The following ADAMTS18 variants were observed in gnomAD, a reference collection of about 807,000 sequenced individuals.
ADAMTS18 encodes A disintegrin and metalloproteinase with thrombospondin motifs 18.
Under a neutral mutation model 165.9 loss-of-function variants are expected in ADAMTS18, and 157 were observed. That is an observed-to-expected ratio of 0.95 (90% confidence interval 0.83 to 1.08). The LOEUF is 1.08. ADAMTS18 is among the 50% of genes least tolerant of loss of function. ADAMTS18 has a pLI of 0.00. For synonymous variants in ADAMTS18, 782 were observed against 578.2 expected (o/e 1.35, Z -5.06); for missense variants, 2,040 against 1,534.0 (o/e 1.33, Z -5.51).
chr16:77,409,035 T>C (rs904194008), intron 3 of ADAMTS18, among the ~76,000 whole-genome samples: 1 of 152,100 alleles, frequency 6.6e-6, no homozygotes, highest in African/African-American at 2.4e-5. Context: ...TTATCATAAG[T>C]ATGTGTATAT....
chr16:77,327,939 G>C (rs2056123607), intron 12 of ADAMTS18, among the ~76,000 whole-genome samples: 1 of 152,114 alleles, frequency 6.6e-6, no homozygotes, highest in East Asian at 1.9e-4. Context: ...GAGATATTTT[G>C]AGTATAATAT....
intron 3 of ADAMTS18, among the ~76,000 whole-genome samples, chr16:77,420,433 C>T (rs1254348454): frequency 6.6e-6 from 1 of 152,140 alleles, no homozygotes; most frequent in African/African-American, 2.4e-5. Context: ...TGGGCCCCAT[C>T]CTCAGACATT....
At chr16:77,412,027 G>A (rs755535694) in intron 3 of ADAMTS18, among the ~76,000 whole-genome samples, 2 of 152,120 alleles carry the variant, frequency 1.3e-5, no homozygotes, top group South Asian at 4.2e-4. Context: ...GTGTGTCTGT[G>A]AGGGTGTTTC....
chr16:77,338,753 A>G (rs114218481), intron 11 of ADAMTS18, among the ~76,000 whole-genome samples: 1,624 of 151,978 alleles, frequency 0.011, 29 homozygotes, highest in African/African-American at 0.037. Context: ...GGAGACCGAG[A>G]GCATCCTGGC....
chr16:77,303,252 T>C (rs2055619510), intron 16 of ADAMTS18, among the ~76,000 whole-genome samples: 1 of 152,170 alleles, frequency 6.6e-6, no homozygotes, highest in Admixed American at 6.5e-5. Flanking sequence ...CCTTTTAATT[T>C]AAATAACCAT....
intron 3 of ADAMTS18, among the ~76,000 whole-genome samples, chr16:77,376,809 C>CTTTTTTTTTTT (rs549942617): frequency 1.9e-5 from 2 of 103,484 alleles, no homozygotes; most frequent in Non-Finnish European, 3.7e-5. Flanking sequence ...CTAAATCATT[C>CTTTTTTTTTTT]TTTTTTTTTT....
intron 16 of ADAMTS18, among the ~76,000 whole-genome samples, chr16:77,303,980 A>G (rs531768973): frequency 1.8e-4 from 27 of 152,172 alleles, no homozygotes; most frequent in Non-Finnish European, 2.8e-4. Context: ...CAGTGAGCCG[A>G]GATCACGCAA....
chr16:77,373,433 T>C (rs1306331724), intron 3 of ADAMTS18, among the ~76,000 whole-genome samples: 2 of 141,702 alleles, frequency 1.4e-5, no homozygotes, highest in African/African-American at 2.7e-5. Flanking sequence ...CACTCCAGCC[T>C]GGGCGGCAGG....
chr16:77,335,775 T>G lies in ADAMTS18; in HGVS notation c.1840A>C (p.Arg614=), dbSNP rs747821215. The G allele has an allele frequency of 6.2e-7, 1 of 1,614,204 alleles. No individual in the cohort carries two copies. Among genetic ancestry groups the G allele is most frequent in the East Asian group, 2.2e-5 (1 of 44,882 alleles). ...TCGGGVKFQE[R]HCNNPKPQYG... The stretch of plus-strand genomic sequence containing the variant: ...GCTTACTTGGGGTTATTGCAGTGTC[T>G]CTCCTGGAACTTGACTCCTCCACCA... Residue 614 remains arginine, a synonymous_variant, in exon 12 of 23, where the codon AGA becomes CGA. Transcript: ENST00000282849.
chr16:77,393,113 AAG>A (rs2057211266), intron 3 of ADAMTS18, among the ~76,000 whole-genome samples: 1 of 152,188 alleles, frequency 6.6e-6, no homozygotes, highest in African/African-American at 2.4e-5. Context: ...CTAAAACTGA[AAG>A]AGTACCCAGG....
chr16:77,385,856 C>T (rs1473870552), intron 3 of ADAMTS18, among the ~76,000 whole-genome samples: 3 of 152,072 alleles, frequency 2.0e-5, no homozygotes, highest in East Asian at 1.9e-4. Flanking sequence ...TCACCCCCTG[C>T]CTTGAGGTAA....
intron 17 of ADAMTS18, among the ~76,000 whole-genome samples, chr16:77,298,189 T>A (rs1040341284): frequency 1.3e-5 from 2 of 152,102 alleles, no homozygotes; most frequent in Non-Finnish European, 2.9e-5. Context: ...GTGCTGGTAT[T>A]ATAGTCATGA....
At position 77,434,791 on chromosome 16, in the gene ADAMTS18, C is replaced by T. The variant is rs2057777709; in HGVS notation, c.-96G>A. 9.1e-6 allele frequency: 10 copies of T among 1,094,856 alleles called. No individual in the cohort carries two copies. In the South Asian group the frequency reaches 2.5e-4, roughly 27 times the overall value. The allele number at this position is 1,094,856 out of a possible 1,614,324, so 67.8% of individuals were successfully genotyped here. On this transcript the variant is annotated 5_prime_UTR_variant, in exon 1 of 23. Coordinates refer to ENST00000282849, the MANE Select transcript of ADAMTS18 (RefSeq NM_199355.4). ...TTTCCGCGGCCCCGGAGCTCGGCGCCCCAGGTGCGGCTCCAGGTGAGAGCC... is the reference window on the plus strand; with the variant it reads ...TTTCCGCGGCCCCGGAGCTCGGCGCTCCAGGTGCGGCTCCAGGTGAGAGCC...
At chr16:77,417,257 G>T (rs1401081298) in intron 3 of ADAMTS18, among the ~76,000 whole-genome samples, 1 of 152,080 alleles carries the variant, frequency 6.6e-6, no homozygotes, top group South Asian at 2.1e-4. Context: ...TGAATGGGAG[G>T]ATAGGTGGGT....
At chr16:77,391,740 C>T (rs540307545) in intron 3 of ADAMTS18, among the ~76,000 whole-genome samples, 2 of 152,146 alleles carry the variant, frequency 1.3e-5, no homozygotes, top group South Asian at 4.2e-4. Context: ...CAACTCTACT[C>T]GATTTCAAGT....
intron 3 of ADAMTS18, among the ~76,000 whole-genome samples, chr16:77,429,683 T>A (rs1403126557): frequency 2.0e-5 from 3 of 152,200 alleles, no homozygotes; most frequent in Non-Finnish European, 4.4e-5. Flanking sequence ...AATCTATTAC[T>A]ATGAGATTAT....
At chr16:77,344,265 C>G (rs1199774656) in intron 10 of ADAMTS18, among the ~76,000 whole-genome samples, 3 of 151,598 alleles carry the variant, frequency 2.0e-5, no homozygotes, top group Non-Finnish European at 2.9e-5. Flanking sequence ...CTTAGAAACA[C>G]CAACACCACC....
intron 12 of ADAMTS18, among the ~76,000 whole-genome samples, chr16:77,328,783 G>A (rs1454165319): frequency 6.6e-6 from 1 of 152,212 alleles, no homozygotes; most frequent in African/African-American, 2.4e-5. Flanking sequence ...AGGACTGCAA[G>A]GTGTTACTTT....
intron 3 of ADAMTS18, among the ~76,000 whole-genome samples, chr16:77,418,770 C>T (rs1419241898): frequency 6.6e-6 from 1 of 152,200 alleles, no homozygotes; most frequent in Non-Finnish European, 1.5e-5. Flanking sequence ...TGGTGAACAC[C>T]TGCCAAAGAG....
Sources: allele counts gnomAD v4.1 joint callset (sites outside exome capture counted in the v4.1 genomes callset), GRCh38; gene constraint gnomAD v4.1.1; transcripts MANE v1.5; gene names NCBI Gene and HGNC (gene_info 2026-07-23, HGNC 2026-07-21).